Variants in ANKRD24 observed in about 807,000 individuals in gnomAD.
The protein encoded by ANKRD24 is ankyrin repeat domain 24.
ANKRD24 carries 109 observed loss-of-function variants against 127.8 expected under a neutral mutation model. That is an observed-to-expected ratio of 0.85 (90% CI 0.73 to 1.00). ANKRD24 has a LOEUF of 1.00. ANKRD24 is among the 50% of genes least tolerant of loss of function. ANKRD24 has a pLI of 0.00. For synonymous variants in ANKRD24, 743 were observed against 671.1 expected (o/e 1.11, Z -1.66); for missense variants, 1,648 against 1,570.2 (o/e 1.05, Z -0.84).
Position 4,199,824 on chromosome 19 carries a change from G to C in ANKRD24, c.124-51G>C, listed in dbSNP as rs1968986874. 6.5e-7 allele frequency: 1 copy of C among 1,537,824 alleles called. No individual in the cohort carries two copies. The highest frequency in any genetic ancestry group is 1.4e-5 in the African/African-American group (1 of 72,942). On this transcript the variant is annotated intron_variant, in intron 3 of 21. Coordinates refer to ENST00000318934, the MANE Select transcript of ANKRD24 (RefSeq NM_001393985.1). The surrounding 1 kb of genome is among the most constrained non-coding windows in gnomAD (Gnocchi z 5.2). ...CCGGAGCCCCTGTCGGGGGCGTGGG[G>C]AGGGGACAGCAGCCAACACTGCCCC...
chr19:4,205,657 G>C (rs7256558), intron 7 of ANKRD24, among the ~76,000 whole-genome samples: 6,436 of 152,190 alleles, frequency 0.042, 364 homozygotes, highest in African/African-American at 0.13. Context: ...AGACCAGCCT[G>C]GGCAACATGG....
chr19:4,187,402 G>C (rs1445703076), intron 2 of ANKRD24, among the ~76,000 whole-genome samples: 1 of 151,086 alleles, frequency 6.6e-6, no homozygotes, highest in Non-Finnish European at 1.5e-5. Flanking sequence ...AACAGAGTGA[G>C]ACTCCATCTC....
chr19:4,205,162 CG>C (rs1309081945), intron 7 of ANKRD24, among the ~76,000 whole-genome samples: 1 of 151,914 alleles, frequency 6.6e-6, no homozygotes, highest in Non-Finnish European at 1.5e-5. Context: ...TGCTTAAACC[CG>C]GGGAGTGGAG....
chr19:4,207,471 T>G (rs1435184907), intron 8 of ANKRD24, 30 bp from the exon 9 acceptor site: 1 of 1,606,932 alleles, frequency 6.2e-7, no homozygotes, highest in Non-Finnish European at 8.5e-7. Context: ...CAGTTTCTCA[T>G]GCCATCGCAT....
intron 2 of ANKRD24, 117 bp downstream of exon 2, chr19:4,186,578 C>A: frequency 8.4e-7 from 1 of 1,192,922 alleles, no homozygotes; most frequent in Non-Finnish European, 1.2e-6. Flanking sequence ...CCTTTCCTCT[C>A]TGCTGCCCCC....
chr19:4,203,957 C>CTTTTTTT (rs34885254), intron 7 of ANKRD24, among the ~76,000 whole-genome samples: 1 of 62,394 alleles, frequency 1.6e-5, no homozygotes, highest in Non-Finnish European at 2.8e-5. Flanking sequence ...GCCCTTCTCC[C>CTTTTTTT]TTTTTTTTTT....
Position 4,222,761 on chromosome 19 carries a change from G to T in ANKRD24, c.3263G>T (p.Arg1088Leu), listed in dbSNP as rs920165871. ...ALATPEVEAL[R>L]DQVKDLQQQL... ...GCCACCCCTGAGGTGGAGGCTCTCC[G>T]TGACCAGGTGAAGGATTTACAGCAG... The change falls in exon 20 of 22, where the codon CGT (arginine) becomes CTT (leucine). Residue 1088 changes from arginine to leucine, a missense_variant. Transcript: ENST00000318934. The T allele has an allele frequency of 1.9e-6, 3 of 1,611,068 alleles. No individual in the cohort carries two copies. The highest frequency in any genetic ancestry group is 2.5e-6 in the Non-Finnish European group (3 of 1,178,180).
intron 7 of ANKRD24, among the ~76,000 whole-genome samples, chr19:4,203,421 A>G (rs2145302570): frequency 6.6e-6 from 1 of 151,962 alleles, no homozygotes; most frequent in African/African-American, 2.4e-5. Context: ...ATCATGGCTC[A>G]CTGCATCCTT....
intron 5 of ANKRD24, 84 bp downstream of exon 5, chr19:4,200,255 G>A (rs1969025864): frequency 3.6e-6 from 5 of 1,390,666 alleles, no homozygotes; most frequent in Admixed American, 2.4e-5. Context: ...CTGCTCCCAG[G>A]TCTCAATGTT....
Position 4,217,880 on chromosome 19 carries a change from A to G in ANKRD24, c.2720A>G (p.Glu907Gly). 6.8e-7 allele frequency: 1 copy of G among 1,466,958 alleles called. No individual in the cohort carries two copies. The highest frequency in any genetic ancestry group is 2.4e-5 in the Admixed American group (1 of 40,950). The allele number at this position is 1,466,958 out of a possible 1,614,324, so 90.9% of individuals were successfully genotyped here. A position where few individuals can be genotyped will look rare whatever the true frequency, so the allele number is the denominator to read the frequency against. ...CTGGCCGAGCTGCGGGAGGCCTCCG[A>G]GGCCCTCCGCCAGTCCGTGGTGCCG... Reference protein sequence around the residue: ...QGLAELREASEALRQSVVPAS... With the variant: ...QGLAELREASGALRQSVVPAS... Residue 907 changes from glutamate (E) to glycine (G), a missense_variant, in exon 18 of 22, where the codon GAG becomes GGG. By Grantham distance (98) the Glu-to-Gly change is moderately conservative (BLOSUM62 -2). Transcript: ENST00000318934.
Position 4,208,782 on chromosome 19 carries a change from C to T in ANKRD24, c.851C>T (p.Ser284Leu), listed in dbSNP as rs369594610. 1.9e-6 allele frequency: 3 copies of T among 1,613,182 alleles called. No individual in the cohort carries two copies. The highest frequency in any genetic ancestry group is 1.7e-5 in the Admixed American group (1 of 59,908). The change falls in exon 11 of 22, where the codon TCA (serine) becomes TTA (leucine). Residue 284 changes from serine (S) to leucine (L), a missense_variant. Physicochemically the swap from Ser to Leu is moderately radical, Grantham distance 145. Transcript: ENST00000318934. ...TCCCCAGCCCTCACAGAGGATGATT[C>T]AGGCGAGGCGTCATCTCAGGTATGG... Reference protein sequence around the residue: ...SPPSALTEDDSGEASSQNSMS... With the variant: ...SPPSALTEDDLGEASSQNSMS...
At chr19:4,196,899 C>T (rs1437366312) in intron 2 of ANKRD24, among the ~76,000 whole-genome samples, 1 of 152,214 alleles carries the variant, frequency 6.6e-6, no homozygotes, top group Non-Finnish European at 1.5e-5. Context: ...AAGGCCCCTC[C>T]TCTACCGGAG....
chr19:4,198,217 C>A lies in ANKRD24; in HGVS notation c.37-1466C>A, dbSNP rs993153782. 3.7e-6 allele frequency: 2 copies of A among 541,748 alleles called. No homozygotes were observed. The highest frequency in any genetic ancestry group is 4.0e-5 in the African/African-American group (2 of 49,988). 33.6% of individuals were successfully genotyped at this position (541,748 alleles called of 1,614,324 possible). On this transcript the variant is annotated intron_variant, in intron 2 of 21. Transcript: ENST00000318934. The surrounding 1 kb of genome is among the most constrained non-coding windows in gnomAD (Gnocchi z 6.1). ...CTCCTCATCCTCCAGGCGACAAGGT[C>A]AGGAGGGGCCGGGGCGGCGCCCCTT...
chr19:4,187,895 G>A (rs1049581041), intron 2 of ANKRD24, among the ~76,000 whole-genome samples: 34 of 152,136 alleles, frequency 2.2e-4, no homozygotes, highest in Admixed American at 2.1e-3. Context: ...AGCGGGGCAC[G>A]GACCTGTGTG....
intron 2 of ANKRD24, 104 bp downstream of exon 2, chr19:4,186,565 TCTC>T: frequency 1.6e-6 from 2 of 1,274,790 alleles, no homozygotes; most frequent in South Asian, 2.6e-5. Flanking sequence ...ACCCACCTCT[TCTC>T]CTTTCCTCTC....
chr19:4,213,459 T>C (rs1274789770), intron 15 of ANKRD24, among the ~76,000 whole-genome samples: 7 of 141,764 alleles, frequency 4.9e-5, no homozygotes, highest in Non-Finnish European at 1.1e-4. Context: ...CTTCCTTCTT[T>C]TTTTTTTTTT....
rs1599406346 is a variant in ANKRD24 at position 4,195,248 on chromosome 19, AT to A, written c.37-4430del. 2.0e-5 allele frequency among the ~76,000 whole-genome samples: 3 copies of A among 151,844 alleles called. No individual in the cohort carries two copies. The highest frequency in any genetic ancestry group is 6.6e-5 in the Admixed American group (1 of 15,234). On this transcript the variant is annotated intron_variant, in intron 2 of 21. Transcript: ENST00000318934. This position sits in a 1 kb window ranked among gnomAD's most constrained non-coding sequence, Gnocchi z 4.2. ...CCACCACGCCCGGCTAATTTTTTGT[AT>A]TTTTAGTAGAGACGGGGTTTTGCCA...
At chr19:4,203,348 C>T (rs546450931) in intron 7 of ANKRD24, among the ~76,000 whole-genome samples, 145 of 151,092 alleles carry the variant, frequency 9.6e-4, no homozygotes, top group African/African-American at 3.4e-3. Flanking sequence ...CGCTCCTGGC[C>T]TTCCTTTTCT....
chr19:4,195,142 T>G lies in ANKRD24; in HGVS notation c.37-4541T>G, dbSNP rs933967645. Among the ~76,000 whole-genome samples, 2 of 150,956 alleles carry G rather than the reference T, an allele frequency of 1.3e-5. No homozygotes were observed. Among genetic ancestry groups the G allele is most frequent in the Non-Finnish European group, 3.0e-5 (2 of 67,338 alleles). On this transcript the variant is annotated intron_variant, in intron 2 of 21. Coordinates refer to ENST00000318934, the MANE Select transcript of ANKRD24 (RefSeq NM_001393985.1). This position sits in a 1 kb window ranked among gnomAD's most constrained non-coding sequence, Gnocchi z 4.2. ...GGTTGGAGTGCAGTGGCACGACTTC[T>G]GCTCACTGCAAGCTCCGCCTCCCGG...
Sources: gnomAD v4.1 joint callset for allele counts (sites outside exome capture counted in the v4.1 genomes callset) on GRCh38, gnomAD v4.1.1 for gene constraint, Gnocchi (gnomAD v3.1) non-coding constraint, MANE v1.5 for transcripts, NCBI Gene and HGNC (gene_info 2026-07-23, HGNC 2026-07-21) for gene names.